The following PCDHA7 variants were observed in gnomAD, a reference collection of about 807,000 sequenced individuals.
The protein encoded by PCDHA7 is protocadherin alpha 7.
Under a neutral mutation model 57.2 loss-of-function variants are expected in PCDHA7, and 37 were observed. That is an observed-to-expected ratio of 0.65 (90% CI 0.50 to 0.85). The LOEUF (loss-of-function observed/expected upper bound fraction) is 0.85, where lower values mean the gene tolerates loss of function less well. Ranked by LOEUF, PCDHA7 falls within the 40% of genes least tolerant of loss-of-function variation. PCDHA7 has a pLI of 0.00. For missense variants in PCDHA7, 1,188 were observed against 1,241.8 expected (o/e 0.96, Z 0.65); for synonymous variants, 553 against 558.8 (o/e 0.99, Z 0.15).
intron 1 of PCDHA7, among the ~76,000 whole-genome samples, chr5:140,889,648 A>G (rs1414947366): frequency 6.6e-6 from 1 of 152,094 alleles, no homozygotes; most frequent in African/African-American, 2.4e-5. Flanking sequence ...TGTTTGCAGG[A>G]GATGTCCTCT....
Position 140,857,636 on chromosome 5 carries a change from C to T in PCDHA7, c.2355+20898C>T, listed in dbSNP as rs370617893. The T allele has an allele frequency of 1.0e-4, 159 of 1,596,480 alleles. 20 individuals are homozygous for T. The highest frequency in any genetic ancestry group is 1.3e-4 in the Non-Finnish European group (153 of 1,167,700). Reference sequence around the variant, plus strand: ...GCTGGACCACGAGGAGCTGGAGCTGCTACAGTTCCAGGTGAGCGCGCGCGA... The same window carrying T: ...GCTGGACCACGAGGAGCTGGAGCTGTTACAGTTCCAGGTGAGCGCGCGCGA... On this transcript the variant is annotated intron_variant, in intron 1 of 3. Transcript: ENST00000525929.
At chr5:140,883,332 T>C (rs2059555585) in intron 1 of PCDHA7, 3 of 1,614,174 alleles carry the variant, frequency 1.9e-6, no homozygotes, top group Non-Finnish European at 2.5e-6. Flanking sequence ...ATCACTTCTT[T>C]GTCACTCCCC....
intron 1 of PCDHA7, chr5:140,870,789 G>T (rs1554164716): frequency 1.2e-6 from 2 of 1,613,512 alleles, no homozygotes; most frequent in East Asian, 2.2e-5. Context: ...ACAACGCGCC[G>T]GCACTGCTGG....
chr5:140,897,695 C>T (rs1417139429), intron 1 of PCDHA7, among the ~76,000 whole-genome samples: 12 of 152,090 alleles, frequency 7.9e-5, no homozygotes, highest in South Asian at 4.2e-4. Flanking sequence ...GTCCTTTGGG[C>T]ATATACCCAG....
At chr5:140,838,382 C>T (rs189980882) in intron 1 of PCDHA7, among the ~76,000 whole-genome samples, 2 of 151,494 alleles carry the variant, frequency 1.3e-5, no homozygotes, top group East Asian at 3.9e-4. Flanking sequence ...CCTCAGCCTC[C>T]CAATGTGCTG....
chr5:140,860,800 C>G (rs1270356784), intron 1 of PCDHA7: 1 of 152,198 alleles, frequency 6.6e-6, no homozygotes, highest in East Asian at 1.9e-4. Flanking sequence ...TGCAGTGGCA[C>G]GATCTCGGCT....
intron 3 of PCDHA7, among the ~76,000 whole-genome samples, chr5:141,009,356 G>T (rs535761188): frequency 7.9e-5 from 12 of 152,204 alleles, no homozygotes; most frequent in Non-Finnish European, 1.6e-4. Context: ...CTACTTGGGA[G>T]GCTAAGATGG....
intron 1 of PCDHA7, chr5:140,858,192 T>A: frequency 6.3e-7 from 1 of 1,597,272 alleles, no homozygotes; most frequent in Non-Finnish European, 8.6e-7. Context: ...ACGCTGCTGC[T>A]GTACACTGCA....
At chr5:140,871,315 C>A (rs908582761) in intron 1 of PCDHA7, 1 of 1,613,928 alleles carries the variant, frequency 6.2e-7, no homozygotes, top group African/African-American at 1.3e-5. Context: ...GAAGCCCACG[C>A]TGGTGTGCTC....
At chr5:140,887,236 AC>A (rs1394086851) in intron 1 of PCDHA7, among the ~76,000 whole-genome samples, 1 of 151,804 alleles carries the variant, frequency 6.6e-6, no homozygotes, top group Non-Finnish European at 1.5e-5. Flanking sequence ...AGCTGAGACT[AC>A]CGGCGCCCGC....
At position 141,010,114 on chromosome 5, in the gene PCDHA7, G is replaced by A. The variant is rs2098416092; in HGVS notation, c.*177G>A. Reference sequence around the variant, plus strand: ...GCATTTAACAGGTTTTGTCGTAAAAGCTTTACTAAGTCTGGTGTTAACTCT... The same window carrying A: ...GCATTTAACAGGTTTTGTCGTAAAAACTTTACTAAGTCTGGTGTTAACTCT... On this transcript the variant is annotated 3_prime_UTR_variant, in exon 4 of 4. Transcript: ENST00000525929. The A allele has an allele frequency of 1.2e-6, 2 of 1,609,716 alleles. No homozygotes were observed. Among genetic ancestry groups the A allele is most frequent in the Non-Finnish European group, 1.7e-6 (2 of 1,177,682 alleles).
At chr5:140,984,788 T>C (rs2097121100) in intron 3 of PCDHA7, among the ~76,000 whole-genome samples, 1 of 152,292 alleles carries the variant, frequency 6.6e-6, no homozygotes, top group Non-Finnish European at 1.5e-5. Context: ...TGGGTGAGCA[T>C]AGACAAACTG....
intron 1 of PCDHA7, chr5:140,966,601 T>C: frequency 1.5e-6 from 1 of 652,170 alleles, no homozygotes; most frequent in East Asian, 3.4e-5. Flanking sequence ...CCAGGAGCCC[T>C]TGGGAGGGCC....
Position 140,856,604 on chromosome 5 carries a change from GA to G in PCDHA7, c.2355+19867del, listed in dbSNP as rs782310012. On this transcript the variant is annotated intron_variant, in intron 1 of 3. Transcript: ENST00000525929. ...TGTTCTTGATATTATAAACAAAAAA[GA>G]CAAAGACAAATTCCCAGTGCTTGTT... 3.6e-5 allele frequency: 57 copies of G among 1,597,724 alleles called. 2 individuals are homozygous for G. In the African/African-American group the frequency reaches 6.7e-4, roughly 19 times the overall value.
At position 140,967,525 on chromosome 5, in the gene PCDHA7, C is replaced by T. The variant is rs368677084; in HGVS notation, c.2356-11424C>T. The stretch of plus-strand genomic sequence containing the variant: ...TGCGTGTCCTGGACACTAACGACAA[C>T]TCTCCTGCCTTTGACCAGTCCACTT... On this transcript the variant is annotated intron_variant, in intron 1 of 3. Coordinates refer to ENST00000525929, the MANE Select transcript of PCDHA7 (RefSeq NM_018910.3). 3.7e-5 allele frequency: 59 copies of T among 1,613,048 alleles called. No individual in the cohort carries two copies. The African/African-American group carries it at 7.3e-4, about 20-fold the overall frequency.
chr5:140,976,054 G>A (rs1554237225), intron 1 of PCDHA7, among the ~76,000 whole-genome samples: 1 of 152,134 alleles, frequency 6.6e-6, no homozygotes, highest in African/African-American at 2.4e-5. Context: ...AATTGTGATA[G>A]TAATATATGT....
intron 1 of PCDHA7, chr5:140,870,532 T>A: frequency 1.2e-6 from 2 of 1,614,184 alleles, no homozygotes; most frequent in Non-Finnish European, 1.7e-6. Flanking sequence ...CTTCACAGTG[T>A]CGGCGCGGGA....
At chr5:140,890,697 C>G (rs1479609896) in intron 1 of PCDHA7, among the ~76,000 whole-genome samples, 1 of 152,124 alleles carries the variant, frequency 6.6e-6, no homozygotes, top group Non-Finnish European at 1.5e-5. Context: ...ATGCAGGGAC[C>G]TTACATTTTT....
intron 3 of PCDHA7, among the ~76,000 whole-genome samples, chr5:140,989,753 A>G (rs1349273749): frequency 6.6e-6 from 1 of 152,224 alleles, no homozygotes; most frequent in Admixed American, 6.5e-5. Context: ...ATCTGGAGAA[A>G]CATATTCAGT....
Sources: gnomAD v4.1 joint callset for allele counts (sites outside exome capture counted in the v4.1 genomes callset) on GRCh38, gnomAD v4.1.1 for gene constraint, MANE v1.5 for transcripts, NCBI Gene and HGNC (gene_info 2026-07-23, HGNC 2026-07-21) for gene names.